EPHA6: variants seen among roughly 807,000 people sequenced by gnomAD.
The protein encoded by EPHA6 is ephrin type-A receptor 6.
Under a neutral mutation model 112.0 loss-of-function variants are expected in EPHA6, and 50 were observed. The observed-to-expected ratio is 0.45, with a 90% CI of 0.36 to 0.56. The LOEUF (loss-of-function observed/expected upper bound fraction) is 0.56, where lower values mean the gene tolerates loss of function less well. EPHA6 is among the 20% of genes least tolerant of loss of function. The pLI is 0.00. For missense variants in EPHA6, 1,280 were observed against 1,417.4 expected (o/e 0.90, Z 1.56); for synonymous variants, 529 against 490.7 (o/e 1.08, Z -1.03).
intron 3 of EPHA6, among the ~76,000 whole-genome samples, chr3:97,187,108 A>T (rs1208294783): frequency 6.6e-6 from 1 of 152,138 alleles, no homozygotes; most frequent in Non-Finnish European, 1.5e-5. Context: ...TACAACAACC[A>T]AATTTTATTT....
chr3:97,376,567 C>T (rs1323538472), intron 5 of EPHA6, among the ~76,000 whole-genome samples: 1 of 152,202 alleles, frequency 6.6e-6, no homozygotes, highest in Non-Finnish European at 1.5e-5. Context: ...CTGTTGACTT[C>T]TTTTTCTGAA....
intron 3 of EPHA6, among the ~76,000 whole-genome samples, chr3:97,069,902 T>C (rs769868534): frequency 6.6e-6 from 1 of 152,086 alleles, no homozygotes; most frequent in Non-Finnish European, 1.5e-5. Context: ...TTTCTATATA[T>C]ATTAATAGAA....
intron 10 of EPHA6, among the ~76,000 whole-genome samples, chr3:97,531,939 A>G (rs1224091221): frequency 6.6e-6 from 1 of 151,916 alleles, no homozygotes; most frequent in Non-Finnish European, 1.5e-5. Flanking sequence ...CAGTCATATG[A>G]CCTAGGGGAT....
intron 6 of EPHA6, among the ~76,000 whole-genome samples, chr3:97,428,819 G>T (rs1248937236): frequency 3.9e-5 from 6 of 152,068 alleles, no homozygotes; most frequent in Non-Finnish European, 8.8e-5. Flanking sequence ...ATACAGAAAT[G>T]CTCAAAAGAG....
At chr3:96,853,499 A>T (rs1279219933) in intron 1 of EPHA6, among the ~76,000 whole-genome samples, 1 of 152,008 alleles carries the variant, frequency 6.6e-6, no homozygotes, top group Non-Finnish European at 1.5e-5. Context: ...TGTGGAGAGC[A>T]CCATCTGATT....
chr3:96,990,912 A>G (rs2043191533), intron 3 of EPHA6, among the ~76,000 whole-genome samples: 1 of 152,186 alleles, frequency 6.6e-6, no homozygotes, highest in South Asian at 2.1e-4. Flanking sequence ...GTGACCACAT[A>G]TATAATAGGA....
chr3:96,830,769 G>T (rs992982932), intron 1 of EPHA6, among the ~76,000 whole-genome samples: 3 of 151,534 alleles, frequency 2.0e-5, no homozygotes, highest in Non-Finnish European at 2.9e-5. Flanking sequence ...CAATTCTTAG[G>T]GGTAAGGGGA....
chr3:97,603,124 G>A (rs2093655405), intron 12 of EPHA6, among the ~76,000 whole-genome samples: 1 of 151,934 alleles, frequency 6.6e-6, no homozygotes, highest in Non-Finnish European at 1.5e-5. Flanking sequence ...TTTTCAATAT[G>A]GTTAGTATCT....
chr3:97,425,169 G>A lies in EPHA6; in HGVS notation c.1731+19895G>A, dbSNP rs572136707. 2.4e-4 allele frequency among the ~76,000 whole-genome samples: 37 copies of A among 152,226 alleles called. 2 individuals carry two copies. The highest frequency in any genetic ancestry group is 1.4e-3 in the Admixed American group (22 of 15,296). ...CAAGCTGTCCGTGGATCTGCCGTTC[G>A]GGTCTGGAGGACAGCGGCCCTCTTC... On this transcript the variant is annotated intron_variant, in intron 6 of 17. Transcript: ENST00000389672.
At chr3:97,544,758 T>A (rs367902500) in intron 11 of EPHA6, among the ~76,000 whole-genome samples, 1 of 152,202 alleles carries the variant, frequency 6.6e-6, no homozygotes, top group Non-Finnish European at 1.5e-5. Context: ...GATTATTGCC[T>A]CAATTTCAGA....
intron 2 of EPHA6, among the ~76,000 whole-genome samples, chr3:96,944,744 A>G (rs2041163114): frequency 6.6e-6 from 1 of 152,202 alleles, no homozygotes; most frequent in East Asian, 1.9e-4. Context: ...GATTGAGACC[A>G]TCCTGGCCAA....
intron 11 of EPHA6, among the ~76,000 whole-genome samples, chr3:97,548,465 C>T (rs752055928): frequency 2.0e-5 from 3 of 151,988 alleles, no homozygotes; most frequent in Non-Finnish European, 4.4e-5. Context: ...TGCAAATATC[C>T]TATTTCTTCT....
At chr3:97,440,101 C>T (rs556565219) in intron 6 of EPHA6, among the ~76,000 whole-genome samples, 4 of 152,046 alleles carry the variant, frequency 2.6e-5, no homozygotes, top group Admixed American at 1.3e-4. Context: ...AGGATACATA[C>T]GGATGCACAT....
chr3:97,499,388 T>C (rs2092062248), intron 10 of EPHA6, among the ~76,000 whole-genome samples: 1 of 152,204 alleles, frequency 6.6e-6, no homozygotes, highest in Admixed American at 6.5e-5. Flanking sequence ...CACTATGTTT[T>C]ATACTTTGGT....
intron 3 of EPHA6, among the ~76,000 whole-genome samples, chr3:97,138,597 T>C (rs1303620950): frequency 2.6e-5 from 4 of 152,124 alleles, no homozygotes; most frequent in Non-Finnish European, 1.5e-5. Flanking sequence ...AAAGCTTAAG[T>C]CCACCAAGCC....
At position 97,758,367 on chromosome 3, in the gene EPHA6, C is replaced by G. The variant is rs1371848261; in HGVS notation, c.*9666C>G. Among the ~76,000 whole-genome samples, 2 of 151,928 alleles carry G rather than the reference C, an allele frequency of 1.3e-5. No homozygotes were observed. The highest frequency in any genetic ancestry group is 1.9e-4 in the East Asian group (1 of 5,194). ...TATATAACAAATATAACCGTAGCAACAACAAATTAAAGGAGATCATGTCTC... is the reference window on the plus strand; with the variant it reads ...TATATAACAAATATAACCGTAGCAAGAACAAATTAAAGGAGATCATGTCTC... On this transcript the variant is annotated 3_prime_UTR_variant, in exon 18 of 18. Transcript: ENST00000389672.
intron 14 of EPHA6, among the ~76,000 whole-genome samples, chr3:97,641,824 G>C (rs1187231471): frequency 6.6e-6 from 1 of 152,180 alleles, no homozygotes; most frequent in Non-Finnish European, 1.5e-5. Flanking sequence ...TAGCACAGCA[G>C]TCTGAGATCA....
intron 3 of EPHA6, among the ~76,000 whole-genome samples, chr3:97,188,390 T>C (rs1006125106): frequency 1.3e-5 from 2 of 152,066 alleles, no homozygotes; most frequent in Admixed American, 1.3e-4. Flanking sequence ...CACAGAAGCA[T>C]ACTATATATT....
chr3:96,886,019 T>C (rs2037599458), intron 2 of EPHA6, among the ~76,000 whole-genome samples: 1 of 152,226 alleles, frequency 6.6e-6, no homozygotes, highest in Non-Finnish European at 1.5e-5. Context: ...AATTTCTGTG[T>C]ATTTGCATGT....
Sources: allele counts gnomAD v4.1 joint callset (sites outside exome capture counted in the v4.1 genomes callset), GRCh38; gene constraint gnomAD v4.1.1; transcripts MANE v1.5; gene names NCBI Gene and HGNC (gene_info 2026-07-23, HGNC 2026-07-21).